CECR2: variants seen among roughly 807,000 people sequenced by gnomAD.
The protein encoded by CECR2 is CECR2 histone acetyl-lysine reader, also known as chromatin remodeling regulator CECR2.
In CECR2, 30 loss-of-function variants were observed where a neutral mutation model predicts 154.5. The observed-to-expected ratio is 0.19, with a 90% CI of 0.15 to 0.26. The LOEUF is 0.26. CECR2 is among the 10% of genes least tolerant of loss of function. The probability of loss-of-function intolerance (pLI) is 1.00; values close to 1 mark genes in which losing one functional copy is unlikely to be tolerated. For missense variants in CECR2, 1,743 were observed against 1,829.3 expected (o/e 0.95, Z 0.86); for synonymous variants, 725 against 683.7 (o/e 1.06, Z -0.94).
At chr22:17,410,755 T>C (rs1262283815) in intron 1 of CECR2, among the ~76,000 whole-genome samples, 2 of 152,182 alleles carry the variant, frequency 1.3e-5, no homozygotes, top group African/African-American at 4.8e-5. Context: ...CAAAACAAGC[T>C]TTAATTGAAT....
intron 12 of CECR2, 33 bp downstream of exon 12, chr22:17,538,764 A>G: frequency 6.5e-7 from 1 of 1,538,354 alleles, no homozygotes; most frequent in Non-Finnish European, 9.0e-7. Context: ...TGCCTACTAT[A>G]GTGTGTATAT....
At chr22:17,549,793 T>TG (rs1447144176) in intron 17 of CECR2, among the ~76,000 whole-genome samples, 7 of 147,612 alleles carry the variant, frequency 4.7e-5, no homozygotes, top group East Asian at 2.0e-4. Context: ...GGTTTTTTTT[T>TG]TTTTTTTTTT....
intron 7 of CECR2, among the ~76,000 whole-genome samples, chr22:17,509,979 CT>C (rs926930476): frequency 1.3e-5 from 2 of 151,886 alleles, no homozygotes; most frequent in African/African-American, 4.8e-5. Flanking sequence ...TTACTTAAAC[CT>C]TTTTTTTGTT....
chr22:17,389,064 T>C (rs1770982546), intron 1 of CECR2, among the ~76,000 whole-genome samples: 1 of 152,178 alleles, frequency 6.6e-6, no homozygotes, highest in Non-Finnish European at 1.5e-5. Context: ...TCCACCCTCC[T>C]TGGCCTCCCA....
At position 17,537,110 on chromosome 22, in the gene CECR2, G is replaced by A. The variant is rs772409798; in HGVS notation, c.1116G>A (p.Ala372=). ...EEKVKAVEDR[A]KRRKLREERA... is the part of the protein sequence containing the mutation. ...CCTTTGTGTTCATTGTAGATCGAGC[G>A]AAGAGGAGAAAGCTCAGGGAAGAAA... The change falls in exon 10 of 19, where the codon GCG becomes GCA. Residue 372 remains alanine (A), a synonymous_variant. Coordinates refer to ENST00000262608, the MANE Select transcript of CECR2 (RefSeq NM_001290047.2). 1.2e-5 allele frequency: 19 copies of A among 1,613,550 alleles called. No homozygotes were observed. The highest frequency in any genetic ancestry group is 1.0e-4 in the Admixed American group (6 of 59,960).
chr22:17,435,707 A>ACC (rs532951715), intron 1 of CECR2, among the ~76,000 whole-genome samples: 12 of 144,472 alleles, frequency 8.3e-5, no homozygotes, highest in Admixed American at 2.7e-4. Flanking sequence ...AAAAAAAAAA[A>ACC]AAACAGGAGC....
rs928742818 is a variant in CECR2 at position 17,463,423 on chromosome 22, C to A, written c.127-14165C>A. 4.6e-5 allele frequency among the ~76,000 whole-genome samples: 7 copies of A among 152,220 alleles called. No homozygotes were observed. The South Asian group carries it at 1.4e-3, about 32-fold the overall frequency. The stretch of plus-strand genomic sequence containing the variant: ...AGAAGCAGGGAGTTTGGTGAGGAAG[C>A]TTTTAAATGGATGAAGCTCAGACAA... On this transcript the variant is annotated intron_variant, in intron 1 of 18. Transcript: ENST00000262608.
intron 1 of CECR2, among the ~76,000 whole-genome samples, chr22:17,470,639 A>C (rs1044308516): frequency 6.6e-6 from 1 of 151,882 alleles, no homozygotes; most frequent in Non-Finnish European, 1.5e-5. Flanking sequence ...ATTAAAACTT[A>C]ACTAAAATTT....
intron 9 of CECR2, among the ~76,000 whole-genome samples, chr22:17,532,580 C>A (rs1296788): frequency 0.22 from 32,528 of 150,768 alleles, 3,695 homozygotes; most frequent in African/African-American, 0.26. Flanking sequence ...GTGTCTACAA[C>A]GAAAAATACA....
intron 1 of CECR2, among the ~76,000 whole-genome samples, chr22:17,437,445 C>G (rs910638159): frequency 2.6e-5 from 4 of 152,154 alleles, no homozygotes; most frequent in African/African-American, 9.7e-5. Flanking sequence ...CGCCTTTCAT[C>G]TACTTGCTGT....
At chr22:17,362,904 A>G (rs1046130325) in intron 1 of CECR2, among the ~76,000 whole-genome samples, 1 of 135,630 alleles carries the variant, frequency 7.4e-6, no homozygotes, top group African/African-American at 3.3e-5. Context: ...TCCGTCTCAA[A>G]AAAAAAAAAA....
At chr22:17,391,353 C>T (rs1329464092) in intron 1 of CECR2, among the ~76,000 whole-genome samples, 9 of 152,136 alleles carry the variant, frequency 5.9e-5, no homozygotes, top group Non-Finnish European at 8.8e-5. Context: ...GTAGGGAAAC[C>T]GGGAAACATT....
intron 1 of CECR2, among the ~76,000 whole-genome samples, chr22:17,386,655 CT>C (rs199708695): frequency 0.021 from 2,994 of 139,718 alleles, 69 homozygotes; most frequent in East Asian, 0.14. Flanking sequence ...AGAAATGTGC[CT>C]TTTTTTTTTT....
chr22:17,391,366 T>C (rs1023725398), intron 1 of CECR2, among the ~76,000 whole-genome samples: 1 of 152,212 alleles, frequency 6.6e-6, no homozygotes, highest in Non-Finnish European at 1.5e-5. Flanking sequence ...GAAACATTGG[T>C]AAAATGATTT....
In CECR2 at chr22:17,548,661, A is replaced by C; in HGVS notation, c.3374A>C (p.Glu1125Ala). The change falls in exon 17 of 19, where the codon GAG becomes GCG. Residue 1125 changes from glutamate (E) to alanine (A), a missense_variant. Around this residue, in one of 4 missense-constraint regions of CECR2, gnomAD observed 1,250 missense variants for 1,192.1 expected, o/e 1.05. Transcript: ENST00000262608. ...CCCCCGCTGTATATGCCTGGCCTAG[A>C]GTACCCGAATTCAGCTGCCCATTAC... ...QFPPLYMPGL[E>A]YPNSAAHYHI... 6.2e-7 allele frequency: 1 copy of C among 1,613,294 alleles called. No homozygotes were observed. The highest frequency in any genetic ancestry group is 8.5e-7 in the Non-Finnish European group (1 of 1,179,646).
At position 17,477,503 on chromosome 22, in the gene CECR2, TG is replaced by T. The variant is rs1356442562; in HGVS notation, c.127-81del. ...TCCGCTGCTGGGACCATTCAGTTCT[TG>T]GGGCTTGTGCTGGCGGTAGGAAGGG... is the stretch of plus-strand genomic sequence containing the variant. On this transcript the variant is annotated intron_variant, in intron 1 of 18. Coordinates refer to ENST00000262608, the MANE Select transcript of CECR2 (RefSeq NM_001290047.2). The T allele has an allele frequency of 2.9e-5, 26 of 898,398 alleles. No homozygotes were observed. In the East Asian group the frequency reaches 5.8e-4, roughly 20 times the overall value. The allele number at this position is 898,398 out of a possible 1,614,324, so 55.7% of individuals were successfully genotyped here.
intron 1 of CECR2, among the ~76,000 whole-genome samples, chr22:17,446,004 G>T (rs1275486581): frequency 6.6e-6 from 1 of 152,106 alleles, no homozygotes; most frequent in East Asian, 1.9e-4. Flanking sequence ...TTCATGGTTG[G>T]TTGAATCTGC....
intron 1 of CECR2, among the ~76,000 whole-genome samples, chr22:17,397,454 A>G (rs1429922959): frequency 6.6e-6 from 1 of 151,642 alleles, no homozygotes; most frequent in Admixed American, 6.6e-5. Flanking sequence ...ATAGGTTAAA[A>G]ATTTGTATTT....
chr22:17,443,722 C>T (rs2054616854), intron 1 of CECR2, among the ~76,000 whole-genome samples: 1 of 152,172 alleles, frequency 6.6e-6, no homozygotes, highest in Non-Finnish European at 1.5e-5. Context: ...ACTCCCCACT[C>T]CTCGTAATCT....
Sources: gnomAD v4.1 joint callset for allele counts (sites outside exome capture counted in the v4.1 genomes callset) on GRCh38, gnomAD v4.1.1 for gene constraint, gnomAD v4.1.1 regional missense constraint, MANE v1.5 for transcripts, NCBI Gene and HGNC (gene_info 2026-07-23, HGNC 2026-07-21) for gene names.